LRBA: variants seen among roughly 807,000 people sequenced by gnomAD.
The protein encoded by LRBA is lipopolysaccharide-responsive and beige-like anchor protein.
In LRBA, 176 loss-of-function variants were observed where a neutral mutation model predicts 330.0. The observed-to-expected ratio is 0.53, with a 90% CI of 0.47 to 0.60. The LOEUF is 0.60. LRBA is among the 20% of genes least tolerant of loss of function. The pLI is 0.00. For synonymous variants in LRBA, 1,230 were observed against 1,193.0 expected (o/e 1.03, Z -0.64); for missense variants, 3,259 against 3,444.8 (o/e 0.95, Z 1.35).
intron 34 of LRBA, among the ~76,000 whole-genome samples, chr4:150,781,640 G>C (rs1738243021): frequency 6.6e-6 from 1 of 152,178 alleles, no homozygotes; most frequent in Non-Finnish European, 1.5e-5. Context: ...TGAAATACTT[G>C]ATAACTTGGT....
intron 2 of LRBA, among the ~76,000 whole-genome samples, chr4:151,009,681 C>T (rs1174387573): frequency 6.6e-6 from 1 of 151,844 alleles, no homozygotes; most frequent in Non-Finnish European, 1.5e-5. Context: ...AGCCACTGTA[C>T]TCAAGCCTGG....
intron 53 of LRBA, among the ~76,000 whole-genome samples, chr4:150,302,152 G>C (rs1729758991): frequency 6.6e-6 from 1 of 152,090 alleles, no homozygotes; most frequent in Non-Finnish European, 1.5e-5. Context: ...GAAAAACCAA[G>C]AGCCAATTTG....
chr4:150,850,243 G>A (rs1425169558), intron 24 of LRBA, among the ~76,000 whole-genome samples: 1 of 151,840 alleles, frequency 6.6e-6, no homozygotes, highest in Non-Finnish European at 1.5e-5. Context: ...ACAGACGCCC[G>A]CCACCACTCC....
At chr4:150,598,306 T>A (rs957405334) in intron 38 of LRBA, among the ~76,000 whole-genome samples, 2 of 152,100 alleles carry the variant, frequency 1.3e-5, no homozygotes, top group Non-Finnish European at 1.5e-5. Context: ...ATAAGTGAAA[T>A]TTTATAAAAA....
At chr4:150,787,783 C>G (rs1739297285) in intron 34 of LRBA, among the ~76,000 whole-genome samples, 1 of 152,164 alleles carries the variant, frequency 6.6e-6, no homozygotes, top group South Asian at 2.1e-4. Flanking sequence ...ACCATCCCCA[C>G]CTCTCCTCCA....
chr4:150,341,739 C>T (rs1735600606), intron 48 of LRBA, among the ~76,000 whole-genome samples: 1 of 151,124 alleles, frequency 6.6e-6, no homozygotes, highest in Non-Finnish European at 1.5e-5. Flanking sequence ...TACATACACA[C>T]AGACATATGC....
chr4:150,916,076 C>T (rs1412642678), intron 7 of LRBA, among the ~76,000 whole-genome samples: 1 of 152,088 alleles, frequency 6.6e-6, no homozygotes, highest in African/African-American at 2.4e-5. Flanking sequence ...TACCTATCTA[C>T]TTATACATTT....
chr4:150,823,023 G>A (rs1331844559), intron 30 of LRBA, among the ~76,000 whole-genome samples: 1 of 152,150 alleles, frequency 6.6e-6, no homozygotes, highest in Non-Finnish European at 1.5e-5. Context: ...AGTGGTTGTA[G>A]TAATTACACT....
At chr4:150,771,946 T>C (rs1267944488) in intron 34 of LRBA, among the ~76,000 whole-genome samples, 2 of 152,190 alleles carry the variant, frequency 1.3e-5, no homozygotes, top group East Asian at 1.9e-4. Context: ...AGCATTCACA[T>C]AGGACACAAA....
At chr4:150,629,973 A>G (rs1367729098) in intron 37 of LRBA, among the ~76,000 whole-genome samples, 1 of 152,172 alleles carries the variant, frequency 6.6e-6, no homozygotes, top group East Asian at 1.9e-4. Flanking sequence ...TCAGTATCAA[A>G]AAACAACAAC....
chr4:150,415,208 A>G (rs1356749407), intron 47 of LRBA, among the ~76,000 whole-genome samples: 1 of 152,230 alleles, frequency 6.6e-6, no homozygotes, highest in Non-Finnish European at 1.5e-5. Flanking sequence ...CATCATGTAT[A>G]TATGAATGTA....
intron 40 of LRBA, among the ~76,000 whole-genome samples, chr4:150,563,092 T>A (rs1001235100): frequency 4.6e-5 from 7 of 152,168 alleles, no homozygotes; most frequent in African/African-American, 1.7e-4. Flanking sequence ...CCACCACACC[T>A]GGTTGAAATA....
intron 34 of LRBA, among the ~76,000 whole-genome samples, chr4:150,780,665 G>A (rs1424851844): frequency 0.039 from 352 of 9,110 alleles, 2 homozygotes; most frequent in African/African-American, 0.074. Context: ...ATATACGTGT[G>A]TGTGTGTATA....
chr4:150,658,510 C>A (rs1320059938), intron 37 of LRBA, among the ~76,000 whole-genome samples: 5 of 660 alleles, frequency 7.6e-3, no homozygotes, highest in South Asian at 0.25. Flanking sequence ...TAAAAGTCTC[C>A]CTCTCCCTCT....
At chr4:150,428,282 T>C (rs1481598142) in intron 46 of LRBA, among the ~76,000 whole-genome samples, 2 of 152,030 alleles carry the variant, frequency 1.3e-5, no homozygotes, top group African/African-American at 4.8e-5. Flanking sequence ...ATGATGCACA[T>C]TAAATTATAA....
chr4:150,386,425 A>G (rs1159599982), intron 47 of LRBA, among the ~76,000 whole-genome samples: 9 of 53,286 alleles, frequency 1.7e-4, no homozygotes, highest in Admixed American at 7.2e-4. Flanking sequence ...CCCACCCCCC[A>G]CCCTCCAAGA....
intron 48 of LRBA, among the ~76,000 whole-genome samples, chr4:150,327,388 CCAGCCTGGACAAGAGTG>C (rs1201932973): frequency 6.6e-6 from 1 of 152,152 alleles, no homozygotes; most frequent in Non-Finnish European, 1.5e-5. Flanking sequence ...CCACTGCACT[CCAGCCTGGACAAGAGTG>C]CAGCCTGGAC....
At chr4:150,781,261 C>T (rs1560808755) in intron 34 of LRBA, among the ~76,000 whole-genome samples, 1 of 152,234 alleles carries the variant, frequency 6.6e-6, no homozygotes, top group East Asian at 1.9e-4. Flanking sequence ...AGTGGGAGCA[C>T]TCAGCTTGTT....
In LRBA at chr4:150,850,763, A is replaced by G; in HGVS notation, c.3965T>C (p.Leu1322Pro). 1 of 1,613,432 alleles carries G rather than the reference A, an allele frequency of 6.2e-7. No individual in the cohort carries two copies. The highest frequency in any genetic ancestry group is 1.1e-5 in the South Asian group (1 of 90,992). The change falls in exon 24 of 57, where the codon CTA becomes CCA. Residue 1322 changes from leucine (L) to proline (P), a missense_variant. Coordinates refer to ENST00000651943, the MANE Select transcript of LRBA (RefSeq NM_001364905.1). ...TATATCTGTTTCTATTGAAAATAAT[A>G]GATCAGTGAGCAAACGTTGATGCAT... is the stretch of plus-strand genomic sequence containing the variant. ...SQMHQRLLTD[L>P]LFSIETDIQM...
Sources: allele counts gnomAD v4.1 joint callset (sites outside exome capture counted in the v4.1 genomes callset), GRCh38; gene constraint gnomAD v4.1.1; transcripts MANE v1.5; gene names NCBI Gene and HGNC (gene_info 2026-07-23, HGNC 2026-07-21).